FLRT2: variants seen among roughly 807,000 people sequenced by gnomAD.
FLRT2 encodes fibronectin leucine rich transmembrane protein 2, also known as leucine-rich repeat transmembrane protein FLRT2.
Under a neutral mutation model 40.0 loss-of-function variants are expected in FLRT2, and 15 were observed. That is an observed-to-expected ratio of 0.38 (90% CI 0.25 to 0.58). FLRT2 has a LOEUF of 0.58. Among genes scored for constraint, FLRT2 ranks in the 20% least tolerant of loss-of-function variants. The pLI, the probability that FLRT2 is intolerant of heterozygous loss-of-function variation, is 0.71. For synonymous variants in FLRT2, 380 were observed against 336.8 expected (o/e 1.13, Z -1.41); for missense variants, 726 against 840.0 (o/e 0.86, Z 1.68).
rs1208922423 is a variant in FLRT2, at chr14:85,635,779, A to G, written c.*12282A>G. 1.3e-5 allele frequency: 2 copies of G among 152,134 alleles called. No homozygotes were observed. The highest frequency in any genetic ancestry group is 4.8e-5 in the African/African-American group (2 of 41,448). 9.4% of individuals were successfully genotyped at this position (152,134 alleles called of 1,614,324 possible). On this transcript the variant is annotated 3_prime_UTR_variant, in exon 2 of 2. Transcript: ENST00000330753. ...GAAATTCTTCTTTCCCAGACCTTCAATACTTTTATAAAACCACTACTTAGC... is the reference window on the plus strand; with the variant it reads ...GAAATTCTTCTTTCCCAGACCTTCAGTACTTTTATAAAACCACTACTTAGC...
chr14:85,583,483 G>A (rs1891479444), intron 1 of FLRT2, among the ~76,000 whole-genome samples: 1 of 152,114 alleles, frequency 6.6e-6, no homozygotes, highest in South Asian at 2.1e-4. Context: ...GTGGATTAAA[G>A]CAATGAATTT....
intron 1 of FLRT2, among the ~76,000 whole-genome samples, chr14:85,556,019 C>G (rs544445354): frequency 6.6e-6 from 1 of 152,126 alleles, no homozygotes; most frequent in Admixed American, 6.6e-5. Context: ...ATAGTACAGA[C>G]GGAAGGCATG....
At chr14:85,563,107 T>A (rs983037119) in intron 1 of FLRT2, 1 of 151,938 alleles carries the variant, frequency 6.6e-6, no homozygotes, top group Non-Finnish European at 1.5e-5. Context: ...CTGTTGGACC[T>A]CCACTCCTTA....
intron 1 of FLRT2, among the ~76,000 whole-genome samples, chr14:85,607,196 A>G (rs1892662400): frequency 6.6e-6 from 1 of 152,102 alleles, no homozygotes; most frequent in South Asian, 2.1e-4. Context: ...GCACCATGTT[A>G]GAAGAGGGTT....
chr14:85,637,881 T>A lies in FLRT2; in HGVS notation c.*14384T>A, dbSNP rs373278243. 2 of 152,218 alleles carry A rather than the reference T, an allele frequency of 1.3e-5. No individual in the cohort carries two copies. Among genetic ancestry groups the A allele is most frequent in the East Asian group, 3.9e-4 (2 of 5,194 alleles). 9.4% of individuals were successfully genotyped at this position (152,218 alleles called of 1,614,324 possible). A position where few individuals can be genotyped will look rare whatever the true frequency, so the allele number is the denominator to read the frequency against. ...TAATAGGGTTAATTATATGAACCCA[T>A]ATAGTAGTGTCATTTAAAGGGAATT... On this transcript the variant is annotated 3_prime_UTR_variant, in exon 2 of 2. Coordinates refer to ENST00000330753, the MANE Select transcript of FLRT2 (RefSeq NM_013231.6).
rs1311791216 is a variant in FLRT2, at chr14:85,646,929, C to T, written c.*23432C>T. The T allele has an allele frequency of 6.6e-6, 1 of 152,152 alleles. No individual in the cohort carries two copies. The highest frequency in any genetic ancestry group is 1.9e-4 in the East Asian group (1 of 5,194). The allele number at this position is 152,152 out of a possible 1,614,324, so 9.4% of individuals were successfully genotyped here. A position where few individuals can be genotyped will look rare whatever the true frequency, so the allele number is the denominator to read the frequency against. ...GAAGGGGCTTAAGATATGGAAGTTG[C>T]CTGGGACCAACATACTCTGTCCAAG... On this transcript the variant is annotated 3_prime_UTR_variant, in exon 2 of 2. Transcript: ENST00000330753.
Position 85,574,844 on chromosome 14 carries a change from T to C in FLRT2, c.-377+44310T>C, listed in dbSNP as rs552129026. On this transcript the variant is annotated intron_variant, in intron 1 of 1. Transcript: ENST00000330753. Reference sequence around the variant, plus strand: ...AATTTGTTGTCTTCACAAATAGTTATTCTTTCAAATAGAATATTTCTTACT... The same window carrying C: ...AATTTGTTGTCTTCACAAATAGTTACTCTTTCAAATAGAATATTTCTTACT... Among the ~76,000 whole-genome samples the C allele has an allele frequency of 2.7e-3, 417 of 152,328 alleles. 1 individual carries two copies. Among genetic ancestry groups the C allele is most frequent in the African/African-American group, 9.8e-3 (409 of 41,574 alleles).
chr14:85,600,082 A>C (rs553110158), intron 1 of FLRT2, among the ~76,000 whole-genome samples: 1 of 152,352 alleles, frequency 6.6e-6, no homozygotes, highest in East Asian at 1.9e-4. Context: ...GGTAGCTATA[A>C]ATAAAGGAGG....
rs916056867 is a variant in FLRT2 at position 85,631,971 on chromosome 14, G to A, written c.*8474G>A. ...CTCCTGCGTAGCTGGGACTACAGGC[G>A]TGCACCACCATGCCTGGCTAATTTT... On this transcript the variant is annotated 3_prime_UTR_variant, in exon 2 of 2. Coordinates refer to ENST00000330753, the MANE Select transcript of FLRT2 (RefSeq NM_013231.6). The A allele has an allele frequency of 1.1e-4, 16 of 151,736 alleles. No individual in the cohort carries two copies. Among genetic ancestry groups the A allele is most frequent in the South Asian group, 6.3e-4 (3 of 4,796 alleles). The allele number at this position is 151,736 out of a possible 1,614,324, so 9.4% of individuals were successfully genotyped here.
chr14:85,630,367 T>C lies in FLRT2; in HGVS notation c.*6870T>C, dbSNP rs1893837100. ...TATCCTTAGGGGAATTCTTATTACT[T>C]CAATGACATAATAAACCTCAGTATT... On this transcript the variant is annotated 3_prime_UTR_variant, in exon 2 of 2. Coordinates refer to ENST00000330753, the MANE Select transcript of FLRT2 (RefSeq NM_013231.6). 1 of 149,408 alleles carries C rather than the reference T, an allele frequency of 6.7e-6. No homozygotes were observed. The highest frequency in any genetic ancestry group is 2.5e-5 in the African/African-American group (1 of 40,600). 9.3% of individuals were successfully genotyped at this position (149,408 alleles called of 1,614,324 possible).
At chr14:85,610,594 A>C (rs1417314755) in intron 1 of FLRT2, among the ~76,000 whole-genome samples, 2 of 152,204 alleles carry the variant, frequency 1.3e-5, no homozygotes, top group Non-Finnish European at 2.9e-5. Flanking sequence ...GAGACACACC[A>C]GTCTTTCAGT....
rs982864256 is a variant in FLRT2 at position 85,637,814 on chromosome 14, C to T, written c.*14317C>T. ...TCTGAAAAAGCTGGCAGGGCACACA[C>T]TCTTGCAAATTTTTCATGTTGTAAT... On this transcript the variant is annotated 3_prime_UTR_variant, in exon 2 of 2. Transcript: ENST00000330753. The T allele has an allele frequency of 6.6e-6, 1 of 152,146 alleles. No individual in the cohort carries two copies. Among genetic ancestry groups the T allele is most frequent in the African/African-American group, 2.4e-5 (1 of 41,428 alleles). The allele number at this position is 152,146 out of a possible 1,614,324, so 9.4% of individuals were successfully genotyped here.
chr14:85,622,017 A>T lies in FLRT2; in HGVS notation c.503A>T (p.Lys168Met), dbSNP rs1299247393. 1 of 1,611,040 alleles carries T rather than the reference A, an allele frequency of 6.2e-7. No homozygotes were observed. The highest frequency in any genetic ancestry group is 8.5e-7 in the Non-Finnish European group (1 of 1,178,702). Residue 168 changes from lysine (K) to methionine (M), a missense_variant, in exon 2 of 2, where the codon AAG becomes ATG. Physicochemically the swap from Lys to Met is moderately conservative, Grantham distance 95 (BLOSUM62 -1). Around this residue, in one of 3 missense-constraint regions of FLRT2, gnomAD observed 611 missense variants for 690.0 expected, o/e 0.89. Transcript: ENST00000330753. ...AISLKLLFLS[K>M]NHLSSVPVGL... ...AGCCTCAAATTGTTGTTTTTGTCTAAGAATCACCTGAGCAGTGTGCCTGTT... is the reference window on the plus strand; with the variant it reads ...AGCCTCAAATTGTTGTTTTTGTCTATGAATCACCTGAGCAGTGTGCCTGTT...
rs796215870 is a variant in FLRT2 at position 85,629,652 on chromosome 14, A to G, written c.*6155A>G. ...GTAAATGGCAGAGTCAGGAATTACC[A>G]CTGAGCATGACTCCATGGACTCTTA... On this transcript the variant is annotated 3_prime_UTR_variant, in exon 2 of 2. Transcript: ENST00000330753. The G allele has an allele frequency of 1.1e-4, 16 of 152,320 alleles. No individual in the cohort carries two copies. The highest frequency in any genetic ancestry group is 3.6e-4 in the African/African-American group (15 of 41,590). The allele number at this position is 152,320 out of a possible 1,614,324, so 9.4% of individuals were successfully genotyped here.
chr14:85,602,977 T>C (rs557639967), intron 1 of FLRT2, among the ~76,000 whole-genome samples: 2 of 152,318 alleles, frequency 1.3e-5, no homozygotes, highest in South Asian at 2.1e-4. Context: ...TTACATCTGA[T>C]GGGGAATGTG....
chr14:85,623,156 G>C lies in FLRT2; in HGVS notation c.1642G>C (p.Gly548Arg). 6.3e-7 allele frequency: 1 copy of C among 1,585,530 alleles called. No homozygotes were observed. Among genetic ancestry groups the C allele is most frequent in the Non-Finnish European group, 8.6e-7 (1 of 1,165,586 alleles). Residue 548 changes from glycine (G) to arginine (R), a missense_variant, in exon 2 of 2, where the codon GGG (glycine) becomes CGG (arginine). Transcript: ENST00000330753. ...CCCCTTTCTGCTGGCGGGCTTGATC[G>C]GGGGCGCGGTGATATTTGTGCTGGT... ...GSPFLLAGLI[G>R]GAVIFVLVVL...
Position 85,630,292 on chromosome 14 carries a change from T to C in FLRT2, c.*6795T>C, listed in dbSNP as rs1459758554. 6.8e-6 allele frequency: 1 copy of C among 148,066 alleles called. No individual in the cohort carries two copies. The allele number at this position is 148,066 out of a possible 1,614,324, so 9.2% of individuals were successfully genotyped here. The stretch of plus-strand genomic sequence containing the variant: ...ATGGGTGATCATATCTGTCTTTTTT[T>C]TTTTTTTTTTTTTTTGGTATGAAGT... On this transcript the variant is annotated 3_prime_UTR_variant, in exon 2 of 2. Coordinates refer to ENST00000330753, the MANE Select transcript of FLRT2 (RefSeq NM_013231.6).
chr14:85,548,395 A>C (rs995205485), intron 1 of FLRT2, among the ~76,000 whole-genome samples: 3 of 152,238 alleles, frequency 2.0e-5, no homozygotes, highest in African/African-American at 7.2e-5. Context: ...GGAAGGTAGA[A>C]TATTCCAAAT....
Position 85,622,672 on chromosome 14 carries a change from C to T in FLRT2, c.1158C>T (p.Leu386=). The T allele has an allele frequency of 1.9e-6, 3 of 1,614,086 alleles. No homozygotes were observed. The highest frequency in any genetic ancestry group is 2.5e-6 in the Non-Finnish European group (3 of 1,180,026). Residue 386 remains leucine (L), a synonymous_variant, in exon 2 of 2, where the codon CTC becomes CTT. Coordinates refer to ENST00000330753, the MANE Select transcript of FLRT2 (RefSeq NM_013231.6). ...CTCCGACCACTCAGCCTCCCACCCTCTCTATTCCAAACCCTAGCAGAAGCT... is the reference window on the plus strand; with the variant it reads ...CTCCGACCACTCAGCCTCCCACCCTTTCTATTCCAAACCCTAGCAGAAGCT... ...TASPTTQPPT[L]SIPNPSRSYT...
Sources: gnomAD v4.1 joint callset for allele counts (sites outside exome capture counted in the v4.1 genomes callset) on GRCh38, gnomAD v4.1.1 for gene constraint, gnomAD v4.1.1 regional missense constraint, MANE v1.5 for transcripts, NCBI Gene and HGNC (gene_info 2026-07-23, HGNC 2026-07-21) for gene names.